Variants in CDH13 observed in about 807,000 individuals in gnomAD.
The protein encoded by CDH13 is cadherin 13.
Under a neutral mutation model 63.8 loss-of-function variants are expected in CDH13, and 24 were observed. The ratio of observed to expected loss-of-function variants is 0.38; its 90% CI spans 0.27 to 0.53. CDH13 has a LOEUF of 0.53. CDH13 is among the 20% of genes least tolerant of loss of function. The pLI is 0.85. For synonymous variants in CDH13, 503 were observed against 355.3 expected (o/e 1.42, Z -4.67); for missense variants, 1,049 against 903.1 (o/e 1.16, Z -2.07).
At chr16:82,673,201 A>C (rs138717518) in intron 1 of CDH13, among the ~76,000 whole-genome samples, 18 of 151,760 alleles carry the variant, frequency 1.2e-4, no homozygotes, top group Non-Finnish European at 2.2e-4. Context: ...CCCGGGTAGG[A>C]ATTTGGTAGA....
intron 5 of CDH13, among the ~76,000 whole-genome samples, chr16:83,334,404 C>A (rs1030570393): frequency 6.7e-6 from 1 of 149,904 alleles, no homozygotes; most frequent in African/African-American, 2.5e-5. Flanking sequence ...CAGAATCTCC[C>A]TCTGTCACCT....
At chr16:82,894,511 G>A (rs1329612405) in intron 2 of CDH13, among the ~76,000 whole-genome samples, 6 of 152,176 alleles carry the variant, frequency 3.9e-5, no homozygotes, top group East Asian at 1.9e-4. Flanking sequence ...GCATGGTGGC[G>A]TGCACCTGTA....
chr16:83,535,568 C>T lies in CDH13; in HGVS notation c.960+48913C>T, dbSNP rs116320102. On this transcript the variant is annotated intron_variant, in intron 7 of 13. Transcript: ENST00000567109. ...ACCAGCTCTGCTTTGCTACTTCATT[C>T]GTTGATTCCACAAGTGCGTATTGAG... Among the ~76,000 whole-genome samples, 865 of 152,246 alleles carry T rather than the reference C, an allele frequency of 5.7e-3. 9 individuals are homozygous for T. Among genetic ancestry groups the T allele is most frequent in the African/African-American group, 0.02 (832 of 41,552 alleles).
chr16:82,641,447 T>G (rs1398881964), intron 1 of CDH13, among the ~76,000 whole-genome samples: 4 of 152,176 alleles, frequency 2.6e-5, no homozygotes, highest in Non-Finnish European at 4.4e-5. Context: ...CAGAAAGAAT[T>G]ATGGTAGTGG....
chr16:83,535,970 G>C (rs147505955), intron 7 of CDH13, among the ~76,000 whole-genome samples: 170 of 144,420 alleles, frequency 1.2e-3, no homozygotes, highest in African/African-American at 4.0e-3. Flanking sequence ...GAAAAGAAAA[G>C]AAAAGAAAGA....
chr16:82,914,485 A>G (rs960625623), intron 2 of CDH13, among the ~76,000 whole-genome samples: 20 of 152,224 alleles, frequency 1.3e-4, no homozygotes, highest in Non-Finnish European at 2.6e-4. Flanking sequence ...CTGACTGCAA[A>G]TGTCTCAGTC....
At chr16:83,063,894 A>G (rs2031789792) in intron 3 of CDH13, among the ~76,000 whole-genome samples, 1 of 152,114 alleles carries the variant, frequency 6.6e-6, no homozygotes, top group African/African-American at 2.4e-5. Context: ...TTTTGCAGGG[A>G]GAGTCCTGGG....
intron 4 of CDH13, among the ~76,000 whole-genome samples, chr16:83,173,607 A>T (rs1467761716): frequency 1.3e-5 from 2 of 152,102 alleles, no homozygotes; most frequent in African/African-American, 4.8e-5. Context: ...AATACTAAAG[A>T]ATTTGTGTTT....
intron 5 of CDH13, among the ~76,000 whole-genome samples, chr16:83,252,136 A>G (rs56720471): frequency 3.9e-5 from 5 of 128,482 alleles, no homozygotes; most frequent in African/African-American, 6.0e-5. Context: ...ACACATATAT[A>G]TGTATATATA....
At chr16:83,562,920 C>A (rs932095291) in intron 7 of CDH13, among the ~76,000 whole-genome samples, 1 of 152,162 alleles carries the variant, frequency 6.6e-6, no homozygotes, top group Non-Finnish European at 1.5e-5. Context: ...CCAAGAGGGA[C>A]GAGGACCTGG....
intron 2 of CDH13, chr16:82,990,166 T>C (rs1911483560): frequency 6.6e-6 from 1 of 152,166 alleles, no homozygotes; most frequent in Non-Finnish European, 1.5e-5. Context: ...CGTCTAGAAG[T>C]CAGAGAGCCA....
chr16:82,872,527 A>G (rs909775207), intron 2 of CDH13, among the ~76,000 whole-genome samples: 4 of 152,258 alleles, frequency 2.6e-5, no homozygotes, highest in African/African-American at 9.6e-5. Context: ...ATTGGGAAAG[A>G]TTAAGCATAG....
intron 7 of CDH13, among the ~76,000 whole-genome samples, chr16:83,522,462 G>T (rs1021840048): frequency 5.9e-5 from 9 of 152,066 alleles, no homozygotes; most frequent in African/African-American, 2.2e-4. Context: ...TAATTCAGTG[G>T]GTGCCAACAA....
intron 11 of CDH13, 47 bp downstream of exon 11, chr16:83,748,297 A>G (rs749743710): frequency 2.6e-6 from 4 of 1,524,030 alleles, no homozygotes; most frequent in Middle Eastern, 1.8e-4. Flanking sequence ...TCTGCTACAA[A>G]TATACTTTTA....
In CDH13 at chr16:82,761,017, C is replaced by CTTTTTTTTTTTTTTT. The variant is rs35038319; in HGVS notation, c.46-97330_46-97316dup. ...CTCTGGGGTTCACATTTCTTTCTTT[C>CTTTTTTTTTTTTTTT]TTTTTTTTTTTTTTTTTTTTTTTTT... is the stretch of plus-strand genomic sequence containing the variant. On this transcript the variant is annotated intron_variant, in intron 1 of 13. Coordinates refer to ENST00000567109, the MANE Select transcript of CDH13 (RefSeq NM_001257.5). 9.1e-3 allele frequency among the ~76,000 whole-genome samples: 367 copies of CTTTTTTTTTTTTTTT among 40,482 alleles called. 86 individuals carry two copies. Among genetic ancestry groups the CTTTTTTTTTTTTTTT allele is most frequent in the African/African-American group, 0.011 (118 of 11,226 alleles). The allele number at this position is 40,482 out of a possible 152,430, so 26.6% of individuals were successfully genotyped here.
chr16:82,669,905 G>A (rs936263219), intron 1 of CDH13, among the ~76,000 whole-genome samples: 7 of 152,202 alleles, frequency 4.6e-5, no homozygotes, highest in Admixed American at 4.6e-4. Flanking sequence ...GGCCCCATTG[G>A]CAGAGATGTA....
chr16:83,020,378 G>T (rs1915234672), intron 2 of CDH13, among the ~76,000 whole-genome samples: 1 of 151,994 alleles, frequency 6.6e-6, no homozygotes, highest in African/African-American at 2.4e-5. Context: ...ACTCTTGGAG[G>T]AAGGGCCTCC....
At chr16:82,987,430 A>C (rs1016939799) in intron 2 of CDH13, among the ~76,000 whole-genome samples, 8 of 152,070 alleles carry the variant, frequency 5.3e-5, no homozygotes, top group African/African-American at 1.7e-4. Flanking sequence ...AGGCTGGAAT[A>C]CAGTGTCACG....
At chr16:82,951,028 C>T (rs775550093) in intron 2 of CDH13, among the ~76,000 whole-genome samples, 6 of 152,124 alleles carry the variant, frequency 3.9e-5, no homozygotes, top group African/African-American at 7.2e-5. Context: ...TTCACATCTT[C>T]GAGAAGAATT....
Sources: gnomAD v4.1 joint callset for allele counts (sites outside exome capture counted in the v4.1 genomes callset) on GRCh38, gnomAD v4.1.1 for gene constraint, MANE v1.5 for transcripts, NCBI Gene and HGNC (gene_info 2026-07-23, HGNC 2026-07-21) for gene names.